The following MAML3 variants were observed in gnomAD, a reference collection of about 807,000 sequenced individuals.
MAML3 encodes mastermind-like protein 3.
A neutral mutation model predicts 101.9 loss-of-function variants in MAML3; 27 were observed. The observed-to-expected ratio is 0.27, with a 90% CI of 0.20 to 0.37. The LOEUF (loss-of-function observed/expected upper bound fraction) is 0.37. Among genes scored for constraint, MAML3 ranks in the 10% least tolerant of loss-of-function variants. The probability of loss-of-function intolerance (pLI) is 1.00; values close to 1 mark genes in which losing one functional copy is unlikely to be tolerated. For synonymous variants in MAML3, 501 were observed against 555.9 expected (o/e 0.90, Z 1.39); for missense variants, 1,316 against 1,444.9 (o/e 0.91, Z 1.45).
At chr4:139,984,996 T>C (rs1734511953) in intron 1 of MAML3, among the ~76,000 whole-genome samples, 1 of 152,238 alleles carries the variant, frequency 6.6e-6, no homozygotes, top group Admixed American at 6.5e-5. Flanking sequence ...TGTTGCAGCT[T>C]TCTGCAATTT....
In MAML3 at chr4:139,813,988, A is replaced by T. The variant is rs552860320; in HGVS notation, c.2079+75369T>A. ...AAAAGTGGCAACAGAAATGTCATCAAAGCCCAACATGCAGCTAGCTACAGT... is the reference window on the plus strand; with the variant it reads ...AAAAGTGGCAACAGAAATGTCATCATAGCCCAACATGCAGCTAGCTACAGT... On this transcript the variant is annotated intron_variant, in intron 2 of 4. Coordinates refer to ENST00000509479, the MANE Select transcript of MAML3 (RefSeq NM_018717.5). 3.3e-5 allele frequency among the ~76,000 whole-genome samples: 5 copies of T among 150,910 alleles called. No homozygotes were observed. The East Asian group carries it at 9.8e-4, about 29-fold the overall frequency.
At chr4:140,147,186 A>G (rs1258965260) in intron 1 of MAML3, among the ~76,000 whole-genome samples, 1 of 151,964 alleles carries the variant, frequency 6.6e-6, no homozygotes, top group Non-Finnish European at 1.5e-5. Context: ...TGGCTAGAAT[A>G]ATACTGAAAA....
intron 1 of MAML3, among the ~76,000 whole-genome samples, chr4:139,956,123 A>G (rs1048324704): frequency 1.3e-4 from 20 of 152,226 alleles, no homozygotes; most frequent in African/African-American, 4.8e-4. Flanking sequence ...TAATTGGTAG[A>G]CAAGTCACTT....
At chr4:139,944,849 T>G (rs1733676785) in intron 1 of MAML3, among the ~76,000 whole-genome samples, 1 of 146,504 alleles carries the variant, frequency 6.8e-6, no homozygotes, top group Admixed American at 6.9e-5. Context: ...ACACTGTTGG[T>G]GGGACTGTAA....
At chr4:139,822,115 C>T (rs1338719098) in intron 2 of MAML3, among the ~76,000 whole-genome samples, 1 of 152,074 alleles carries the variant, frequency 6.6e-6, no homozygotes, top group Non-Finnish European at 1.5e-5. Context: ...TCAGGATCAA[C>T]ATTATCACCA....
At chr4:139,951,747 T>G (rs1163984894) in intron 1 of MAML3, among the ~76,000 whole-genome samples, 1 of 151,642 alleles carries the variant, frequency 6.6e-6, no homozygotes, top group Non-Finnish European at 1.5e-5. Context: ...TTTTTTTTTT[T>G]GTCTCCAGTA....
chr4:139,774,932 G>A (rs1393953647), intron 2 of MAML3, among the ~76,000 whole-genome samples: 2 of 152,228 alleles, frequency 1.3e-5, no homozygotes, highest in African/African-American at 2.4e-5. Flanking sequence ...TCTCTCTTTT[G>A]GTGCAATTTG....
intron 1 of MAML3, among the ~76,000 whole-genome samples, chr4:139,948,237 T>G (rs191912518): frequency 6.6e-6 from 1 of 152,294 alleles, no homozygotes; most frequent in Non-Finnish European, 1.5e-5. Flanking sequence ...TAAATTAGAT[T>G]TACAGGAAGC....
chr4:140,032,802 C>T (rs1406821759), intron 1 of MAML3, among the ~76,000 whole-genome samples: 1 of 150,468 alleles, frequency 6.6e-6, no homozygotes, highest in African/African-American at 2.4e-5. Context: ...TGCCTTTACA[C>T]TTTTTGATAA....
intron 2 of MAML3, among the ~76,000 whole-genome samples, chr4:139,817,173 CTGT>C (rs1730906015): frequency 6.6e-6 from 1 of 152,178 alleles, no homozygotes; most frequent in Non-Finnish European, 1.5e-5. Flanking sequence ...TCTTCCTCTT[CTGT>C]TGTTCAAATG....
At chr4:140,047,777 A>T (rs1052865021) in intron 1 of MAML3, among the ~76,000 whole-genome samples, 1 of 139,206 alleles carries the variant, frequency 7.2e-6, no homozygotes, top group African/African-American at 2.7e-5. Context: ...AAGCATTTGG[A>T]TACCTGTAAA....
chr4:139,888,486 C>T (rs925881985), intron 2 of MAML3: 1 of 516,536 alleles, frequency 1.9e-6, no homozygotes, highest in African/African-American at 1.9e-5. Context: ...TCCCCACTCT[C>T]TCCTTCAGGG....
In MAML3 at chr4:139,772,736, G is replaced by A. The variant is rs183702458; in HGVS notation, c.2080-42069C>T. Among the ~76,000 whole-genome samples the A allele has an allele frequency of 2.8e-4, 43 of 152,188 alleles. No individual in the cohort carries two copies. The East Asian group carries it at 3.5e-3, about 12-fold the overall frequency. On this transcript the variant is annotated intron_variant, in intron 2 of 4. Coordinates refer to ENST00000509479, the MANE Select transcript of MAML3 (RefSeq NM_018717.5). ...CCAGACGTAAAATGAGTCAGTCAAT[G>A]TTCTGTCACTGGAGGTCTTCAAGCA...
intron 1 of MAML3, among the ~76,000 whole-genome samples, chr4:139,915,282 G>GA (rs1156953398): frequency 1.3e-5 from 2 of 152,126 alleles, no homozygotes; most frequent in Non-Finnish European, 2.9e-5. Flanking sequence ...CACAGGAAGA[G>GA]AAAAAAACCA....
intron 2 of MAML3, among the ~76,000 whole-genome samples, chr4:139,836,759 G>A (rs1242610308): frequency 6.6e-6 from 1 of 152,136 alleles, no homozygotes; most frequent in Non-Finnish European, 1.5e-5. Flanking sequence ...CACTTACTAA[G>A]TTGCTACTGC....
At chr4:140,033,747 G>T (rs1726942809) in intron 1 of MAML3, among the ~76,000 whole-genome samples, 1 of 152,282 alleles carries the variant, frequency 6.6e-6, no homozygotes, top group Middle Eastern at 3.4e-3. Flanking sequence ...ACCACACAGG[G>T]TTATCGGGAT....
intron 2 of MAML3, among the ~76,000 whole-genome samples, chr4:139,774,812 A>G (rs752780936): frequency 2.6e-5 from 4 of 152,216 alleles, no homozygotes; most frequent in Admixed American, 1.3e-4. Flanking sequence ...CTGCTATATG[A>G]TATCTTATTG....
intron 2 of MAML3, among the ~76,000 whole-genome samples, chr4:139,767,268 G>A (rs1729880154): frequency 6.6e-6 from 1 of 152,216 alleles, no homozygotes; most frequent in African/African-American, 2.4e-5. Flanking sequence ...TGTTCGTTAG[G>A]AAAGCACAGT....
intron 1 of MAML3, among the ~76,000 whole-genome samples, chr4:139,986,373 A>T (rs1395727989): frequency 6.6e-6 from 1 of 152,228 alleles, no homozygotes; most frequent in South Asian, 2.1e-4. Context: ...AAAGCCGAGA[A>T]AATGGTGTAG....
Sources: gnomAD v4.1 joint callset for allele counts (sites outside exome capture counted in the v4.1 genomes callset) on GRCh38, gnomAD v4.1.1 for gene constraint, MANE v1.5 for transcripts, NCBI Gene and HGNC (gene_info 2026-07-23, HGNC 2026-07-21) for gene names.